The following AADAT variants were observed in gnomAD, a reference collection of about 807,000 sequenced individuals.
AADAT encodes the protein aminoadipate aminotransferase.
AADAT carries 25 observed loss-of-function variants against 56.2 expected under a neutral mutation model. That is an observed-to-expected ratio of 0.44 (90% CI 0.32 to 0.62). The LOEUF (loss-of-function observed/expected upper bound fraction) is 0.62. Among genes scored for constraint, AADAT ranks in the 20% least tolerant of loss-of-function variants. The pLI is 0.04. For synonymous variants in AADAT, 173 were observed against 164.7 expected (o/e 1.05, Z -0.39); for missense variants, 387 against 510.5 (o/e 0.76, Z 2.33).
At chr4:170,078,115 T>C (rs1171590435) in intron 4 of AADAT, among the ~76,000 whole-genome samples, 3 of 152,192 alleles carry the variant, frequency 2.0e-5, no homozygotes, top group Non-Finnish European at 4.4e-5. Context: ...TTATACCATA[T>C]AAGTATACTA....
chr4:170,088,810 G>A (rs1400952106), intron 1 of AADAT, among the ~76,000 whole-genome samples: 1 of 152,072 alleles, frequency 6.6e-6, no homozygotes, highest in Non-Finnish European at 1.5e-5. Flanking sequence ...GAATGGGATT[G>A]GTGCACTTAT....
intron 6 of AADAT, among the ~76,000 whole-genome samples, chr4:170,070,161 C>A (rs939414394): frequency 6.6e-6 from 1 of 151,954 alleles, no homozygotes; most frequent in Admixed American, 6.6e-5. Context: ...GCACGGCTTC[C>A]TAATCCTTCT....
intron 4 of AADAT, among the ~76,000 whole-genome samples, chr4:170,076,512 A>G (rs1732041177): frequency 1.3e-5 from 2 of 152,152 alleles, no homozygotes; most frequent in East Asian, 1.9e-4. Context: ...CCTTCTGCAC[A>G]TGTTCTTCAG....
At chr4:170,087,934 T>G (rs1732640744) in intron 2 of AADAT, among the ~76,000 whole-genome samples, 1 of 151,360 alleles carries the variant, frequency 6.6e-6, no homozygotes, top group South Asian at 2.1e-4. Context: ...CATGACTGCT[T>G]GTTTAGACTA....
At chr4:170,080,020 G>C (rs148396758) in intron 3 of AADAT, among the ~76,000 whole-genome samples, 41 of 152,266 alleles carry the variant, frequency 2.7e-4, no homozygotes, top group African/African-American at 9.6e-4. Flanking sequence ...GAGGGAAAGT[G>C]GGCTGGAGGA....
intron 10 of AADAT, 99 bp from the exon 11 acceptor site, chr4:170,064,924 T>C (rs1038633167): frequency 2.1e-6 from 2 of 975,178 alleles, no homozygotes; most frequent in African/African-American, 3.5e-5. Flanking sequence ...AAGTAGAAAC[T>C]AGTATTCCTA....
At chr4:170,082,933 A>C (rs1318547409) in intron 3 of AADAT, among the ~76,000 whole-genome samples, 1 of 151,748 alleles carries the variant, frequency 6.6e-6, no homozygotes, top group East Asian at 1.9e-4. Flanking sequence ...AATGTAATAC[A>C]ATAATAGTAG....
At chr4:170,091,194 C>T (rs533046021), upstream of AADAT, among the ~76,000 whole-genome samples, 3 of 152,170 alleles carry the variant, frequency 2.0e-5, no homozygotes, top group Non-Finnish European at 4.4e-5. Flanking sequence ...TAGCGGAGGC[C>T]GGAGCCGGCT....
chr4:170,067,453 A>G (rs1731526367), intron 8 of AADAT, 65 bp from the exon 9 acceptor site: 1 of 1,307,936 alleles, frequency 7.6e-7, no homozygotes. Flanking sequence ...TGCCATATAT[A>G]AAAGCAACTC....
rs760586661 is a variant in AADAT at position 170,089,729 on chromosome 4, G to A, written c.-39C>T. ...CAAGCATCAAGCTTCTTCTTCAGTG[G>A]TTGAGGACTAGAAAAACCAAAGAGC... is the stretch of plus-strand genomic sequence containing the variant. On this transcript the variant is annotated 5_prime_UTR_variant, in exon 1 of 13. Transcript: ENST00000337664. 5 of 1,608,398 alleles carry A rather than the reference G, an allele frequency of 3.1e-6. 1 individual carries two copies. The highest frequency in any genetic ancestry group is 1.1e-5 in the South Asian group (1 of 90,860).
At chr4:170,090,220 C>G (rs1177900383), upstream of AADAT, 1 of 152,270 alleles carries the variant, frequency 6.6e-6, no homozygotes, top group African/African-American at 2.4e-5. Flanking sequence ...AGCCCAGGGG[C>G]TGACCGAGGG....
At chr4:170,069,346 T>C in intron 6 of AADAT, 116 bp from the exon 7 acceptor site, 1 of 705,164 alleles carries the variant, frequency 1.4e-6, no homozygotes, top group East Asian at 2.9e-5. Flanking sequence ...GTACAAATAT[T>C]CTCTTACCTT....
Position 170,089,814 on chromosome 4 carries a change from C to G in AADAT, c.-124G>C. Reference sequence around the variant, plus strand: ...GCAACGCCACCGCGAGATGTGTCCCCCCGCTGCGTCTGGCTTCCCGCGCGC... The same window carrying G: ...GCAACGCCACCGCGAGATGTGTCCCGCCGCTGCGTCTGGCTTCCCGCGCGC... On this transcript the variant is annotated 5_prime_UTR_variant, in exon 1 of 13. Transcript: ENST00000337664. 1 of 978,068 alleles carries G rather than the reference C, an allele frequency of 1.0e-6. No individual in the cohort carries two copies. Among genetic ancestry groups the G allele is most frequent in the Non-Finnish European group, 1.5e-6 (1 of 647,278 alleles). 60.6% of individuals were successfully genotyped at this position (978,068 alleles called of 1,614,324 possible).
chr4:170,073,471 C>T (rs1731872995), intron 4 of AADAT, 126 bp from the exon 5 acceptor site: 1 of 767,010 alleles, frequency 1.3e-6, no homozygotes, highest in African/African-American at 1.8e-5. Context: ...AACCCGCAAC[C>T]AGCTCTGAGC....
At position 170,070,617 on chromosome 4, in the gene AADAT, A is replaced by T; in HGVS notation, c.690T>A (p.Asp230Glu). 6.3e-7 allele frequency: 1 copy of T among 1,580,908 alleles called. No individual in the cohort carries two copies. The highest frequency in any genetic ancestry group is 8.7e-7 in the Non-Finnish European group (1 of 1,155,254). ...TAAACTGGAGAAAATAGTAAGGATC[A>T]TCTTCTATTATGAGGAAATCATATT... ...ARKYDFLIIE[D>E]DPYYFLQFNK... Residue 230 changes from aspartate to glutamate, a missense_variant, in exon 6 of 13, where the codon GAT becomes GAA. By Grantham distance (45) the Asp-to-Glu change is conservative (BLOSUM62 2). Coordinates refer to ENST00000337664, the MANE Select transcript of AADAT (RefSeq NM_016228.4).
At chr4:170,078,089 G>A (rs1732123497) in intron 4 of AADAT, among the ~76,000 whole-genome samples, 1 of 152,106 alleles carries the variant, frequency 6.6e-6, no homozygotes, top group Admixed American at 6.5e-5. Flanking sequence ...TCTAACCTTG[G>A]AATGGAAAGT....
At chr4:170,080,529 C>T (rs1732247486) in intron 3 of AADAT, among the ~76,000 whole-genome samples, 1 of 152,134 alleles carries the variant, frequency 6.6e-6, no homozygotes, top group Admixed American at 6.5e-5. Flanking sequence ...ACTACCATCC[C>T]AAGCCCTGGA....
chr4:170,060,338 C>T lies in AADAT; in HGVS notation c.*590G>A, dbSNP rs980256842. ...AAATTATAACAATTTTTGCAATAAG[C>T]TCTCATTAAATTTTCCTAAAAGTAG... On this transcript the variant is annotated 3_prime_UTR_variant, in exon 13 of 13. Coordinates refer to ENST00000337664, the MANE Select transcript of AADAT (RefSeq NM_016228.4). 6.6e-6 allele frequency: 1 copy of T among 152,110 alleles called. No homozygotes were observed. The highest frequency in any genetic ancestry group is 6.5e-5 in the Admixed American group (1 of 15,268). The allele number at this position is 152,110 out of a possible 1,614,324, so 9.4% of individuals were successfully genotyped here.
At chr4:170,064,676 A>G (rs748995454) in intron 11 of AADAT, 43 bp downstream of exon 11, 1 of 1,451,578 alleles carries the variant, frequency 6.9e-7, no homozygotes, top group East Asian at 2.3e-5. Context: ...GAAAAAGTAT[A>G]ACTTTTCCTT....
Sources: gnomAD v4.1 joint callset for allele counts (sites outside exome capture counted in the v4.1 genomes callset) on GRCh38, gnomAD v4.1.1 for gene constraint, MANE v1.5 for transcripts, NCBI Gene and HGNC (gene_info 2026-07-23, HGNC 2026-07-21) for gene names.